CHRNA6: variants seen among roughly 807,000 people sequenced by gnomAD.
The protein encoded by CHRNA6 is neuronal acetylcholine receptor subunit alpha-6.
In CHRNA6, 31 loss-of-function variants were observed where a neutral mutation model predicts 40.9. The ratio of observed to expected loss-of-function variants is 0.76; its 90% CI spans 0.57 to 1.02. CHRNA6 has a LOEUF of 1.02. Among genes scored for constraint, CHRNA6 ranks in the 50% least tolerant of loss-of-function variants. The pLI is 0.00. For synonymous variants in CHRNA6, 222 were observed against 221.3 expected, an observed-to-expected ratio of 1.00 and a Z score of -0.03; for missense variants, 546 against 596.6, an observed-to-expected ratio of 0.92 and a Z score of 0.88.
rs1374391389 is a variant in CHRNA6, at chr8:42,753,323, C to T, written c.1354-13G>A. On this transcript the variant is annotated splice_polypyrimidine_tract_variant and intron_variant, in intron 5 of 5. Coordinates refer to ENST00000276410, the MANE Select transcript of CHRNA6 (RefSeq NM_004198.3). ...AGTCATCTTCTACCTGAAATGCAAA[C>T]AAAAATTAAGAGCTGTTTTAAAAAA... 6.3e-7 allele frequency: 1 copy of T among 1,595,988 alleles called. No individual in the cohort carries two copies. Among genetic ancestry groups the T allele is most frequent in the East Asian group, 2.2e-5 (1 of 44,672 alleles).
chr8:42,768,268 A>G, intron 1 of CHRNA6, 84 bp downstream of exon 1: 3 of 1,099,262 alleles, frequency 2.7e-6, no homozygotes, highest in East Asian at 2.4e-5. Flanking sequence ...TTTTATTAAT[A>G]TATCTTCTCA....
chr8:42,763,928 C>T (rs1017077555), intron 2 of CHRNA6, among the ~76,000 whole-genome samples: 2 of 152,110 alleles, frequency 1.3e-5, no homozygotes, highest in African/African-American at 2.4e-5. Flanking sequence ...GGGCCACCGC[C>T]GCCTCACCCA....
chr8:42,759,158 T>G, intron 2 of CHRNA6, 45 bp from the exon 3 acceptor site: 2 of 1,514,846 alleles, frequency 1.3e-6, no homozygotes, highest in Non-Finnish European at 1.8e-6. Context: ...GTGCTTGCCA[T>G]AGAGGTGAGA....
At chr8:42,762,598 A>G (rs1228194783) in intron 2 of CHRNA6, among the ~76,000 whole-genome samples, 1 of 152,198 alleles carries the variant, frequency 6.6e-6, no homozygotes, top group East Asian at 1.9e-4. Context: ...GCAGTGAGCC[A>G]AGATCACGCC....
rs780962662 is a variant in CHRNA6, at chr8:42,768,425, C to T, written c.6G>A (p.Leu2=). 6.2e-7 allele frequency: 1 copy of T among 1,613,630 alleles called. No individual in the cohort carries two copies. Among genetic ancestry groups the T allele is most frequent in the Non-Finnish European group, 8.5e-7 (1 of 1,179,586 alleles). M[L]TSKGQGFLHG... is the part of the protein sequence containing the mutation. ...GAAGGAATCCCTGCCCCTTGCTGGTCAGCATGGTTAAAACACACTTGGATT... is the reference window on the plus strand; with the variant it reads ...GAAGGAATCCCTGCCCCTTGCTGGTTAGCATGGTTAAAACACACTTGGATT... The change falls in exon 1 of 6, where the codon CTG becomes CTA. Residue 2 remains leucine (L), a synonymous_variant. Coordinates refer to ENST00000276410, the MANE Select transcript of CHRNA6 (RefSeq NM_004198.3).
At chr8:42,761,955 C>T (rs1019941333) in intron 2 of CHRNA6, among the ~76,000 whole-genome samples, 1 of 152,218 alleles carries the variant, frequency 6.6e-6, no homozygotes, top group Non-Finnish European at 1.5e-5. Flanking sequence ...TTCAGATATG[C>T]CAGGCCAGCA....
intron 5 of CHRNA6, among the ~76,000 whole-genome samples, chr8:42,754,605 C>T (rs140521908): frequency 3.9e-5 from 6 of 152,292 alleles, no homozygotes; most frequent in African/African-American, 9.6e-5. Context: ...ACCAACAGGG[C>T]GGACTTTCGG....
chr8:42,758,650 C>T (rs1194383492), intron 3 of CHRNA6, among the ~76,000 whole-genome samples: 1 of 152,194 alleles, frequency 6.6e-6, no homozygotes. Context: ...AGGCATGAGC[C>T]ACTGCACCCC....
chr8:42,767,144 T>C (rs564486913), intron 1 of CHRNA6, among the ~76,000 whole-genome samples: 17 of 152,248 alleles, frequency 1.1e-4, no homozygotes, highest in African/African-American at 3.9e-4. Flanking sequence ...ATTTTTTATA[T>C]TTTTAGTAGA....
At chr8:42,759,997 C>A (rs1405220339) in intron 2 of CHRNA6, among the ~76,000 whole-genome samples, 1 of 151,944 alleles carries the variant, frequency 6.6e-6, no homozygotes, top group Non-Finnish European at 1.5e-5. Flanking sequence ...GTTCACTACA[C>A]AAATATTTAT....
At chr8:42,763,438 G>A (rs1396900889) in intron 2 of CHRNA6, among the ~76,000 whole-genome samples, 2 of 152,168 alleles carry the variant, frequency 1.3e-5, no homozygotes, top group African/African-American at 4.8e-5. Context: ...CTTAATCTCT[G>A]ATACTTGCAA....
intron 2 of CHRNA6, among the ~76,000 whole-genome samples, chr8:42,762,323 A>G (rs1371569634): frequency 6.6e-6 from 1 of 152,260 alleles, no homozygotes; most frequent in Non-Finnish European, 1.5e-5. Context: ...AACTGGAATC[A>G]GCTCAAATGT....
Position 42,768,471 on chromosome 8 carries a change from T to A in CHRNA6, c.-41A>T. The A allele has an allele frequency of 6.5e-7, 1 of 1,541,624 alleles. No homozygotes were observed. The highest frequency in any genetic ancestry group is 9.0e-7 in the Non-Finnish European group (1 of 1,114,714). On this transcript the variant is annotated 5_prime_UTR_variant, in exon 1 of 6. Transcript: ENST00000276410. ...GGATTCCTTTTTCCTAGGCAAAGGA[T>A]TGTGGAAAACAAAGAGCTATCAGTC...
rs200353505 is a variant in CHRNA6, at chr8:42,755,823, G to A, written c.1353+23C>T. 11 of 1,599,054 alleles carry A rather than the reference G, an allele frequency of 6.9e-6. 1 individual carries two copies. In the South Asian group the frequency reaches 1.1e-4, roughly 17 times the overall value. ...AGGCTGCAAAGGGTGCAAGCTGGCT[G>A]GGTGGAGGGAACACACATTTACCTC... On this transcript the variant is annotated intron_variant, in intron 5 of 5. Coordinates refer to ENST00000276410, the MANE Select transcript of CHRNA6 (RefSeq NM_004198.3).
At chr8:42,754,415 T>C (rs1816762596) in intron 5 of CHRNA6, among the ~76,000 whole-genome samples, 1 of 152,108 alleles carries the variant, frequency 6.6e-6, no homozygotes, top group Admixed American at 6.6e-5. Context: ...CTTAAACAAT[T>C]CTCCCGTCTT....
At chr8:42,766,641 A>G (rs1229224586) in intron 1 of CHRNA6, among the ~76,000 whole-genome samples, 1 of 152,206 alleles carries the variant, frequency 6.6e-6, no homozygotes, top group Admixed American at 6.5e-5. Flanking sequence ...CACAGGAACA[A>G]AAAACCAAAC....
At chr8:42,762,681 A>G (rs1816920382) in intron 2 of CHRNA6, among the ~76,000 whole-genome samples, 3 of 152,116 alleles carry the variant, frequency 2.0e-5, no homozygotes, top group South Asian at 4.2e-4. Context: ...ACAAAAAACA[A>G]AGCACCCTGG....
Position 42,765,250 on chromosome 8 carries a change from G to C in CHRNA6, c.80-46C>G, listed in dbSNP as rs759773609. On this transcript the variant is annotated intron_variant, in intron 1 of 5. Coordinates refer to ENST00000276410, the MANE Select transcript of CHRNA6 (RefSeq NM_004198.3). ...GAGAGTTAGAGCCAGCCCGGCCACTGGCCACTGCAGCGATTCTAGGCAATT... is the reference window on the plus strand; with the variant it reads ...GAGAGTTAGAGCCAGCCCGGCCACTCGCCACTGCAGCGATTCTAGGCAATT... The C allele has an allele frequency of 3.7e-6, 6 of 1,601,332 alleles. No individual in the cohort carries two copies. The Admixed American group carries it at 1.0e-4, about 27-fold the overall frequency.
intron 1 of CHRNA6, among the ~76,000 whole-genome samples, chr8:42,767,904 A>C (rs1200572708): frequency 6.6e-6 from 1 of 152,222 alleles, no homozygotes; most frequent in Non-Finnish European, 1.5e-5. Context: ...GATCTTACTC[A>C]TGGGATAGTT....
Sources: allele counts gnomAD v4.1 joint callset (sites outside exome capture counted in the v4.1 genomes callset), GRCh38; gene constraint gnomAD v4.1.1; transcripts MANE v1.5; gene names NCBI Gene and HGNC (gene_info 2026-07-23, HGNC 2026-07-21).